Variants in KCNIP4 observed in about 807,000 individuals in gnomAD.
KCNIP4 encodes the protein Kv channel-interacting protein 4.
In KCNIP4, 12 loss-of-function variants were observed where a neutral mutation model predicts 34.0. The observed-to-expected ratio is 0.35, with a 90% CI of 0.23 to 0.57. KCNIP4 has a LOEUF of 0.57. KCNIP4 is among the 20% of genes least tolerant of loss of function. KCNIP4 has a pLI of 0.83. For missense variants in KCNIP4, 238 were observed against 311.7 expected, an observed-to-expected ratio of 0.76 and a Z score of 1.78; for synonymous variants, 124 against 102.2, an observed-to-expected ratio of 1.21 and a Z score of -1.29.
chr4:21,188,512 CAT>C (rs144897608), intron 1 of KCNIP4, among the ~76,000 whole-genome samples: 6,146 of 152,208 alleles, frequency 0.04, 180 homozygotes, highest in Admixed American at 0.085. Flanking sequence ...GTTTCTAAAA[CAT>C]ATGGTTTCTT....
chr4:21,877,355 A>AAAAT (rs369426118), intron 1 of KCNIP4, among the ~76,000 whole-genome samples: 3,319 of 152,030 alleles, frequency 0.022, 66 homozygotes, highest in African/African-American at 0.058. Context: ...CTCCATCTCA[A>AAAAT]AAATAAATAA....
chr4:21,387,973 T>G (rs1722182988), intron 1 of KCNIP4, among the ~76,000 whole-genome samples: 1 of 151,974 alleles, frequency 6.6e-6, no homozygotes, highest in African/African-American at 2.4e-5. Context: ...GAGAGGGGAA[T>G]GAGTGGAGAG....
chr4:21,270,486 A>G (rs764625020), intron 1 of KCNIP4, among the ~76,000 whole-genome samples: 5 of 152,230 alleles, frequency 3.3e-5, no homozygotes, highest in Non-Finnish European at 5.9e-5. Context: ...TCAAAATACT[A>G]TTAGATTTAA....
chr4:21,255,437 C>A lies in KCNIP4; in HGVS notation c.62-372728G>T, dbSNP rs184856122. Among the ~76,000 whole-genome samples, 803 of 152,100 alleles carry A rather than the reference C, an allele frequency of 5.3e-3. 5 individuals carry two copies. The highest frequency in any genetic ancestry group is 0.018 in the African/African-American group (744 of 41,492). On this transcript the variant is annotated intron_variant, in intron 1 of 8. Coordinates refer to ENST00000382152, the MANE Select transcript of KCNIP4 (RefSeq NM_025221.6). ...CCAATGCTGCTCTCCTTAAAGTTAT[C>A]AAAAATCCATCTTCAGGCCAAATCC...
At chr4:21,186,677 C>T (rs1266679288) in intron 1 of KCNIP4, among the ~76,000 whole-genome samples, 3 of 152,298 alleles carry the variant, frequency 2.0e-5, no homozygotes, top group Middle Eastern at 6.8e-3. Context: ...CAGGATCTCA[C>T]TCTGTCACCC....
intron 1 of KCNIP4, among the ~76,000 whole-genome samples, chr4:21,213,536 A>C (rs567517995): frequency 6.6e-6 from 1 of 152,196 alleles, no homozygotes; most frequent in Admixed American, 6.5e-5. Flanking sequence ...TCTTGACCTC[A>C]GGTGATCCAC....
chr4:21,412,145 GA>G (rs1238797233), intron 1 of KCNIP4, among the ~76,000 whole-genome samples: 1 of 152,172 alleles, frequency 6.6e-6, no homozygotes, highest in Non-Finnish European at 1.5e-5. Flanking sequence ...GCCTGGATTG[GA>G]AACACTCAAG....
In KCNIP4 at chr4:21,561,417, A is replaced by C. The variant is rs578252806; in HGVS notation, c.61+387154T>G. Among the ~76,000 whole-genome samples the C allele has an allele frequency of 3.0e-3, 462 of 152,186 alleles. 4 individuals are homozygous for C. Among genetic ancestry groups the C allele is most frequent in the African/African-American group, 0.011 (442 of 41,564 alleles). On this transcript the variant is annotated intron_variant, in intron 1 of 8. Coordinates refer to ENST00000382152, the MANE Select transcript of KCNIP4 (RefSeq NM_025221.6). Reference sequence around the variant, plus strand: ...CTAAAAATAGAAGGGATGGAACTACAATTTCCTTAGATAGCATTGAGACAG... The same window carrying C: ...CTAAAAATAGAAGGGATGGAACTACCATTTCCTTAGATAGCATTGAGACAG...
intron 1 of KCNIP4, among the ~76,000 whole-genome samples, chr4:21,927,158 C>T (rs1179022042): frequency 3.9e-5 from 6 of 152,146 alleles, no homozygotes; most frequent in Non-Finnish European, 8.8e-5. Flanking sequence ...TTAGTGACAT[C>T]TCTCTCTGAC....
intron 3 of KCNIP4, among the ~76,000 whole-genome samples, chr4:20,766,050 ATGATGATAC>A (rs1251339715): frequency 1.3e-5 from 2 of 152,180 alleles, no homozygotes; most frequent in Non-Finnish European, 2.9e-5. Flanking sequence ...GATGATGACA[ATGATGATAC>A]TGATGATATT....
intron 5 of KCNIP4, among the ~76,000 whole-genome samples, chr4:20,740,082 A>T (rs1750693294): frequency 1.3e-5 from 2 of 151,506 alleles, no homozygotes; most frequent in South Asian, 4.6e-4. Context: ...ATATGGGACT[A>T]TGTGAAAAGG....
At chr4:21,282,508 AT>A (rs1477202712) in intron 1 of KCNIP4, among the ~76,000 whole-genome samples, 7 of 151,764 alleles carry the variant, frequency 4.6e-5, no homozygotes, top group African/African-American at 1.7e-4. Context: ...TGCTGTTAAA[AT>A]TTAGTTAAGC....
chr4:21,186,196 T>C (rs1755215626), intron 1 of KCNIP4, among the ~76,000 whole-genome samples: 1 of 152,164 alleles, frequency 6.6e-6, no homozygotes, highest in Non-Finnish European at 1.5e-5. Context: ...TTTTAAGAAC[T>C]TTCTGCTCAG....
At chr4:21,785,415 A>G (rs1388519557) in intron 1 of KCNIP4, among the ~76,000 whole-genome samples, 1 of 151,898 alleles carries the variant, frequency 6.6e-6, no homozygotes, top group Non-Finnish European at 1.5e-5. Context: ...ACATGGTGAA[A>G]CCCTGCCTCT....
chr4:21,356,420 T>C (rs1718605082), intron 1 of KCNIP4, among the ~76,000 whole-genome samples: 1 of 152,144 alleles, frequency 6.6e-6, no homozygotes, highest in Non-Finnish European at 1.5e-5. Flanking sequence ...GAAAACCCCA[T>C]CGTCTCAGCC....
intron 3 of KCNIP4, among the ~76,000 whole-genome samples, chr4:20,830,762 C>T (rs1718327978): frequency 6.6e-6 from 1 of 152,154 alleles, no homozygotes; most frequent in Non-Finnish European, 1.5e-5. Flanking sequence ...GTTTACTATC[C>T]ATCTCCCAAG....
In KCNIP4 at chr4:21,419,445, A is replaced by G. The variant is rs374976651; in HGVS notation, c.61+529126T>C. Among the ~76,000 whole-genome samples, 90 of 152,222 alleles carry G rather than the reference A, an allele frequency of 5.9e-4. 2 individuals carry two copies. In the South Asian group the frequency reaches 0.018, roughly 31 times the overall value. ...TATTGAGTTAGGGAGGCCAAATTTA[A>G]TATCGCCTCTATTATTAAGCTACTT... is the stretch of plus-strand genomic sequence containing the variant. On this transcript the variant is annotated intron_variant, in intron 1 of 8. Coordinates refer to ENST00000382152, the MANE Select transcript of KCNIP4 (RefSeq NM_025221.6).
intron 1 of KCNIP4, among the ~76,000 whole-genome samples, chr4:21,594,045 T>C (rs1742434276): frequency 6.6e-6 from 1 of 151,990 alleles, no homozygotes; most frequent in Non-Finnish European, 1.5e-5. Flanking sequence ...AGCTAGGAAA[T>C]GAGACTTGTG....
chr4:21,615,956 G>A (rs1479356678), intron 1 of KCNIP4, among the ~76,000 whole-genome samples: 1 of 152,140 alleles, frequency 6.6e-6, no homozygotes, highest in Non-Finnish European at 1.5e-5. Flanking sequence ...TTCTATCCAT[G>A]CCCTTTATGG....
Sources: allele counts gnomAD v4.1 joint callset (sites outside exome capture counted in the v4.1 genomes callset), GRCh38; gene constraint gnomAD v4.1.1; transcripts MANE v1.5; gene names NCBI Gene and HGNC (gene_info 2026-07-23, HGNC 2026-07-21).